RPL21: variants seen among roughly 807,000 people sequenced by gnomAD.
RPL21 encodes ribosomal protein L21, also known as large ribosomal subunit protein eL21.
A neutral mutation model predicts 21.2 loss-of-function variants in RPL21; 1 was observed. The observed-to-expected ratio is 0.05, with a 90% CI of 0.02 to 0.22. RPL21 has a LOEUF of 0.22. RPL21 is among the 10% of genes least tolerant of loss of function. RPL21 has a pLI of 1.00. For synonymous variants in RPL21, 52 were observed against 62.9 expected (o/e 0.83, Z 0.82); for missense variants, 113 against 199.4 (o/e 0.57, Z 2.61).
chr13:27,254,543 C>T (rs938843252), intron 3 of RPL21: 52 of 459,616 alleles, frequency 1.1e-4, no homozygotes, highest in African/African-American at 7.9e-4. Flanking sequence ...TACAGGCGTG[C>T]ACCATGATAC....
At chr13:27,252,148 G>A (rs1881680584) in intron 1 of RPL21, among the ~76,000 whole-genome samples, 1 of 152,186 alleles carries the variant, frequency 6.6e-6, no homozygotes, top group Non-Finnish European at 1.5e-5. Flanking sequence ...CGTCCTGGGT[G>A]ATGAACCCTC....
intron 3 of RPL21, chr13:27,254,871 AT>A: frequency 2.6e-6 from 1 of 378,216 alleles, no homozygotes. Flanking sequence ...AATTTTCCTC[AT>A]TACCCGCTTG....
intron 1 of RPL21, among the ~76,000 whole-genome samples, chr13:27,252,269 A>C (rs1314142975): frequency 3.3e-5 from 5 of 152,172 alleles, no homozygotes; most frequent in Non-Finnish European, 7.3e-5. Context: ...CAATATTTGC[A>C]CCAAGAGGAG....
At chr13:27,256,374 T>A in intron 5 of RPL21, 40 bp downstream of exon 5, 20 of 1,597,456 alleles carry the variant, frequency 1.3e-5, no homozygotes, top group Non-Finnish European at 1.6e-5. Context: ...CTGAGAGCAC[T>A]TTAAGGTTGA....
chr13:27,253,376 AGGCTGT>A (rs1298371583), intron 1 of RPL21, among the ~76,000 whole-genome samples: 1 of 152,022 alleles, frequency 6.6e-6, no homozygotes, highest in Non-Finnish European at 1.5e-5. Context: ...TAAAAATGTA[AGGCTGT>A]TTTATTGTGT....
intron 3 of RPL21, 139 bp from the exon 4 acceptor site, chr13:27,255,103 T>C: frequency 3.9e-6 from 3 of 773,296 alleles, no homozygotes; most frequent in East Asian, 2.4e-5. Flanking sequence ...CTTGAAGCAA[T>C]GTGAAAAACA....
In RPL21 at chr13:27,253,833, T is replaced by C. The variant is rs1483139624; in HGVS notation, c.57T>C (p.Phe19=). Residue 19 remains phenylalanine, a synonymous_variant, in exon 2 of 6, where the codon TTT becomes TTC. Transcript: ENST00000311549. ...CCCGATATATGTTCTCTAGGCCTTTTAGAAAACATGGTAAGTAGGTTTACC... is the reference window on the plus strand; with the variant it reads ...CCCGATATATGTTCTCTAGGCCTTTCAGAAAACATGGTAAGTAGGTTTACC... ...RGTRYMFSRP[F]RKHGVVPLAT... is the part of the protein sequence containing the mutation. 2 of 1,591,006 alleles carry C rather than the reference T, an allele frequency of 1.3e-6. No individual in the cohort carries two copies. Among genetic ancestry groups the C allele is most frequent in the Non-Finnish European group, 1.7e-6 (2 of 1,159,006 alleles).
Position 27,254,193 on chromosome 13 carries a change from C to T in RPL21, c.68-27C>T, listed in dbSNP as rs759701321. 1.9e-5 allele frequency: 27 copies of T among 1,435,424 alleles called. No homozygotes were observed. In the Admixed American group the frequency reaches 4.5e-4, roughly 24 times the overall value. The allele number at this position is 1,435,424 out of a possible 1,614,324, so 88.9% of individuals were successfully genotyped here. A position where few individuals can be genotyped will look rare whatever the true frequency, so the allele number is the denominator to read the frequency against. On this transcript the variant is annotated intron_variant, in intron 2 of 5. Coordinates refer to ENST00000311549, the MANE Select transcript of RPL21 (RefSeq NM_000982.4). ...TTACTCTAGATTTTTAGCCTTAATACTCACTATACCAAATTTATTTTTGTA... is the reference window on the plus strand; with the variant it reads ...TTACTCTAGATTTTTAGCCTTAATATTCACTATACCAAATTTATTTTTGTA...
chr13:27,254,652 G>A (rs187196932), intron 3 of RPL21, among the ~76,000 whole-genome samples: 15 of 150,730 alleles, frequency 1.0e-4, no homozygotes, highest in Admixed American at 7.9e-4. Context: ...GCCTCCCAAT[G>A]TGCTGGGATT....
chr13:27,254,458 T>C (rs2137909928), intron 3 of RPL21, 177 bp downstream of exon 3: 2 of 550,258 alleles, frequency 3.6e-6, no homozygotes, highest in Non-Finnish European at 6.3e-6. Flanking sequence ...TGCAATGGCA[T>C]GATCTCACCT....
intron 1 of RPL21, 101 bp from the exon 2 acceptor site, chr13:27,253,664 G>A (rs981489464): frequency 2.7e-6 from 2 of 727,610 alleles, no homozygotes; most frequent in Admixed American, 3.8e-5. Flanking sequence ...TCAGTTTGCA[G>A]TTCTCACTTC....
chr13:27,252,432 C>T (rs74324039), intron 1 of RPL21, among the ~76,000 whole-genome samples: 2,113 of 152,274 alleles, frequency 0.014, 29 homozygotes, highest in Non-Finnish European at 0.022. Context: ...GATTTTAATA[C>T]TCTTACAAAC....
intron 3 of RPL21, chr13:27,254,959 G>A: frequency 1.8e-6 from 1 of 554,580 alleles, no homozygotes; most frequent in Non-Finnish European, 3.3e-6. Context: ...ACGCCTTAGT[G>A]CAAAGTTTAA....
intron 4 of RPL21, chr13:27,255,624 T>TGCAGAG (rs1555248811): frequency 1.8e-6 from 1 of 546,612 alleles, no homozygotes; most frequent in Non-Finnish European, 3.5e-6. Flanking sequence ...CTGGCTGGAG[T>TGCAGAG]GCAGTGGTGG....
At chr13:27,256,160 T>TA in intron 4 of RPL21, 24 bp from the exon 5 acceptor site, 1 of 1,568,554 alleles carries the variant, frequency 6.4e-7, no homozygotes, top group Non-Finnish European at 8.7e-7. Context: ...TTAAAGCACT[T>TA]AAAAGAATTT....
At chr13:27,253,647 C>T (rs1881753910) in intron 1 of RPL21, 118 bp from the exon 2 acceptor site, 1 of 698,922 alleles carries the variant, frequency 1.4e-6, no homozygotes, top group Non-Finnish European at 2.7e-6. Context: ...GCTTGGTGAT[C>T]CAGCTTTCAG....
chr13:27,253,609 AT>A (rs1233535517), intron 1 of RPL21, 155 bp from the exon 2 acceptor site: 1 of 612,956 alleles, frequency 1.6e-6, no homozygotes, highest in South Asian at 1.7e-5. Context: ...TAAAATAATG[AT>A]TTTTTAACCT....
chr13:27,252,303 C>T (rs1316396666), intron 1 of RPL21, among the ~76,000 whole-genome samples: 1 of 152,192 alleles, frequency 6.6e-6, no homozygotes, highest in African/African-American at 2.4e-5. Context: ...AATTCTAGGG[C>T]AGCATGCTTT....
intron 3 of RPL21, 148 bp from the exon 4 acceptor site, chr13:27,255,094 T>C: frequency 1.3e-6 from 1 of 771,290 alleles, no homozygotes; most frequent in South Asian, 1.4e-5. Context: ...TTTTGATTGC[T>C]TGAAGCAATG....
Sources: gnomAD v4.1 joint callset for allele counts (sites outside exome capture counted in the v4.1 genomes callset) on GRCh38, gnomAD v4.1.1 for gene constraint, MANE v1.5 for transcripts, NCBI Gene and HGNC (gene_info 2026-07-23, HGNC 2026-07-21) for gene names.